Variants in ACTR3C observed in about 807,000 individuals in gnomAD.
ACTR3C encodes the protein actin-related protein 3C.
In ACTR3C, 18 loss-of-function variants were observed where a neutral mutation model predicts 26.3. The ratio of observed to expected loss-of-function variants is 0.68; its 90% CI spans 0.47 to 1.01. The LOEUF is 1.01. Ranked by LOEUF, ACTR3C falls within the 50% of genes least tolerant of loss-of-function variation. ACTR3C has a pLI of 0.00. For missense variants in ACTR3C, 184 were observed against 250.7 expected, an observed-to-expected ratio of 0.73 and a Z score of 1.80; for synonymous variants, 55 against 94.5, an observed-to-expected ratio of 0.58 and a Z score of 2.42.
chr7:150,102,098 C>T, the ACTR3C span, among the ~76,000 whole-genome samples: 1 of 151,632 alleles, frequency 6.6e-6, no homozygotes, highest in Non-Finnish European at 1.5e-5. Flanking sequence ...CATTCCATTG[C>T]TTTCCTCAGA....
At chr7:150,234,431 G>T in the ACTR3C span, among the ~76,000 whole-genome samples, 10 of 152,016 alleles carry the variant, frequency 6.6e-5, no homozygotes, top group African/African-American at 2.2e-4. Flanking sequence ...TCTTCCATGC[G>T]CCCCACATGA....
chr7:150,035,416 G>A, the ACTR3C span, among the ~76,000 whole-genome samples: 42 of 34,594 alleles, frequency 1.2e-3, 13 homozygotes, highest in East Asian at 5.2e-3. Flanking sequence ...AGGGGGGGAA[G>A]AGGGACTGGC....
the ACTR3C span, among the ~76,000 whole-genome samples, chr7:150,115,760 T>G: frequency 6.6e-6 from 1 of 152,224 alleles, no homozygotes; most frequent in Non-Finnish European, 1.5e-5. Flanking sequence ...TGGATCTTAA[T>G]CTCTATCTTT....
chr7:150,175,332 G>A, the ACTR3C span, among the ~76,000 whole-genome samples: 1 of 142,768 alleles, frequency 7.0e-6, no homozygotes, highest in Non-Finnish European at 1.5e-5. Flanking sequence ...CATTCAGACT[G>A]GAGATACACA....
the ACTR3C span, among the ~76,000 whole-genome samples, chr7:150,181,969 C>T: frequency 2.0e-5 from 3 of 150,424 alleles, no homozygotes; most frequent in Non-Finnish European, 4.4e-5. Flanking sequence ...TAGCGATAGA[C>T]AAAATAACAT....
chr7:150,284,012 A>T (rs1835558139), intron 6 of ACTR3C, among the ~76,000 whole-genome samples: 1 of 151,592 alleles, frequency 6.6e-6, no homozygotes, highest in Non-Finnish European at 1.5e-5. Context: ...TTTTGAAAAA[A>T]ATCATAATAA....
chr7:150,034,289 C>T, the ACTR3C span, among the ~76,000 whole-genome samples: 988 of 149,646 alleles, frequency 6.6e-3, 12 homozygotes, highest in South Asian at 0.03. Context: ...CGTAGGCTAC[C>T]GGCCTCAGCC....
the ACTR3C span, among the ~76,000 whole-genome samples, chr7:150,036,072 G>A: frequency 2.3e-4 from 17 of 74,116 alleles, no homozygotes; most frequent in South Asian, 4.0e-3. Flanking sequence ...CCCGCGTCGC[G>A]AGGGGTGCTC....
the ACTR3C span, among the ~76,000 whole-genome samples, chr7:150,234,202 C>G: frequency 1.3e-5 from 2 of 152,050 alleles, no homozygotes; most frequent in Admixed American, 1.3e-4. Context: ...ATTCTATACT[C>G]TTATGATTAC....
At chr7:150,136,033 G>A in the ACTR3C span, among the ~76,000 whole-genome samples, 59 of 152,124 alleles carry the variant, frequency 3.9e-4, 1 homozygote, top group Middle Eastern at 0.01. Context: ...TGTTGGCGCC[G>A]GTGGCCCAAG....
At chr7:150,001,556 TA>T in the ACTR3C span, 35 of 152,402 alleles carry the variant, frequency 2.3e-4, no homozygotes, top group African/African-American at 8.4e-4. Context: ...GCCCTGTTCC[TA>T]ACTCTGGTCT....
the ACTR3C span, among the ~76,000 whole-genome samples, chr7:150,007,445 G>A: frequency 6.6e-6 from 1 of 152,154 alleles, no homozygotes; most frequent in East Asian, 1.9e-4. Flanking sequence ...CTCCAAGAAC[G>A]GCGATTCTCA....
the ACTR3C span, among the ~76,000 whole-genome samples, chr7:149,940,948 G>T: frequency 6.6e-6 from 1 of 151,914 alleles, no homozygotes; most frequent in African/African-American, 2.4e-5. Context: ...GGCACTGCCA[G>T]GCCTGGGGCC....
rs201302236 is a variant in ACTR3C, at chr7:150,284,766, C to T, written c.551G>A (p.Arg184His). The change falls in exon 6 of 8, where the codon CGT (arginine) becomes CAT (histidine). Residue 184 changes from arginine (R) to histidine (H), a missense_variant. Physicochemically the swap from Arg to His is conservative, Grantham distance 29. Transcript: ENST00000683684. ...TGCAGCTCATACCTTATACAGCGGA[C>T]GCCGCACATCGATGGGGCAGTTCTG... is the stretch of plus-strand genomic sequence containing the variant. Reference protein sequence around the residue: ...VIQNCPIDVRRPLYKMEQIPL... With the variant: ...VIQNCPIDVRHPLYKMEQIPL... 2.0e-3 allele frequency: 3,162 copies of T among 1,612,410 alleles called. 7 individuals are homozygous for T. The highest frequency in any genetic ancestry group is 2.4e-3 in the Non-Finnish European group (2,796 of 1,179,292).
the ACTR3C span, among the ~76,000 whole-genome samples, chr7:150,116,590 A>T: frequency 6.6e-6 from 1 of 152,248 alleles, no homozygotes; most frequent in Non-Finnish European, 1.5e-5. Context: ...AATCACAGAC[A>T]TAAGGAGAAA....
chr7:150,169,451 T>C, the ACTR3C span, among the ~76,000 whole-genome samples: 2 of 148,792 alleles, frequency 1.3e-5, no homozygotes, highest in Non-Finnish European at 2.9e-5. Context: ...CTCTACCTTA[T>C]GAGGATACAC....
At chr7:149,976,470 A>C in the ACTR3C span, among the ~76,000 whole-genome samples, 1 of 151,294 alleles carries the variant, frequency 6.6e-6, no homozygotes, top group Non-Finnish European at 1.5e-5. Context: ...GCTACTCAGG[A>C]GGCTGAGGCG....
At chr7:149,970,040 T>C in the ACTR3C span, among the ~76,000 whole-genome samples, 1 of 152,100 alleles carries the variant, frequency 6.6e-6, no homozygotes, top group African/African-American at 2.4e-5. Context: ...AAAATAGGGA[T>C]ATTTTGACTC....
At chr7:150,105,085 CTTTTTTT>C in the ACTR3C span, among the ~76,000 whole-genome samples, 4 of 138,604 alleles carry the variant, frequency 2.9e-5, no homozygotes, top group South Asian at 2.3e-4. Context: ...TTCTTTTTTT[CTTTTTTT>C]TTTTTTTTGA....
Sources: allele counts gnomAD v4.1 joint callset (sites outside exome capture counted in the v4.1 genomes callset), GRCh38; gene constraint gnomAD v4.1.1; transcripts MANE v1.5; gene names NCBI Gene and HGNC (gene_info 2026-07-23, HGNC 2026-07-21).